HMCN2: variants seen among roughly 807,000 people sequenced by gnomAD.
HMCN2 encodes hemicentin-2.
In HMCN2, 325 loss-of-function variants were observed where a neutral mutation model predicts 377.5. That is an observed-to-expected ratio of 0.86 (90% confidence interval 0.79 to 0.94). The LOEUF is 0.94. Ranked by LOEUF, HMCN2 falls within the 40% of genes least tolerant of loss-of-function variation. The pLI is 0.00. For synonymous variants in HMCN2, 2,007 were observed against 2,046.8 expected, an observed-to-expected ratio of 0.98 and a Z score of 0.53; for missense variants, 4,543 against 4,725.3, an observed-to-expected ratio of 0.96 and a Z score of 1.13.
intron 15 of HMCN2, among the ~76,000 whole-genome samples, chr9:130,317,222 G>A (rs953208659): frequency 7.9e-5 from 12 of 152,292 alleles, no homozygotes; most frequent in Non-Finnish European, 1.3e-4. Flanking sequence ...GCTTCAAGCT[G>A]TGACCTTGGG....
At chr9:130,392,627 A>G (rs1332563339) in intron 66 of HMCN2, among the ~76,000 whole-genome samples, 1 of 152,090 alleles carries the variant, frequency 6.6e-6, no homozygotes, top group East Asian at 1.9e-4. Flanking sequence ...TGGCTTCAGA[A>G]TGAGATTGGT....
chr9:130,363,758 G>A (rs1212726912), intron 40 of HMCN2, among the ~76,000 whole-genome samples: 1 of 151,364 alleles, frequency 6.6e-6, no homozygotes, highest in African/African-American at 2.4e-5. Flanking sequence ...GGGAGGTAGA[G>A]GTTGCAGTGA....
chr9:130,384,721 C>T lies in HMCN2; in HGVS notation c.9029C>T (p.Ser3010Leu), dbSNP rs61734912. 1.0e-5 allele frequency: 13 copies of T among 1,302,562 alleles called. No homozygotes were observed. Among genetic ancestry groups the T allele is most frequent in the East Asian group, 1.1e-4 (2 of 18,018 alleles). 80.7% of individuals were successfully genotyped at this position (1,302,562 alleles called of 1,614,324 possible). A position where few individuals can be genotyped will look rare whatever the true frequency, so the allele number is the denominator to read the frequency against. ...HTLQLGRARL[S>L]DSGMYTCEAL... The stretch of plus-strand genomic sequence containing the variant: ...CTGCAGCTGGGGAGAGCACGGCTGT[C>T]GGACTCCGGGATGTACACATGCGAA... The change falls in exon 59 of 98, where the codon TCG becomes TTG. Residue 3010 changes from serine to leucine, a missense_variant. By Grantham distance (145) the Ser-to-Leu change is moderately radical. Transcript: ENST00000683500.
chr9:130,372,574 G>C (rs1382635832), intron 47 of HMCN2, among the ~76,000 whole-genome samples, 167 bp downstream of exon 47: 1 of 152,168 alleles, frequency 6.6e-6, no homozygotes, highest in Non-Finnish European at 1.5e-5. Context: ...AAAAACCTTT[G>C]TTCAAGCCTG....
Position 130,429,519 on chromosome 9 carries a change from T to C in HMCN2, c.14198-38T>C. 3 of 1,549,202 alleles carry C rather than the reference T, an allele frequency of 1.9e-6. No individual in the cohort carries two copies. In the African/African-American group the frequency reaches 4.1e-5, roughly 21 times the overall value. On this transcript the variant is annotated intron_variant, in intron 93 of 97. Coordinates refer to ENST00000683500, the MANE Select transcript of HMCN2 (RefSeq NM_001291815.2). ...GTCCCTTGGGGGAGGGGCCCTGGGC[T>C]AGACCTCCCCACCACCGACCATGCC... is the stretch of plus-strand genomic sequence containing the variant.
At chr9:130,402,765 C>T (rs1243465223) in intron 77 of HMCN2, 24 bp from the exon 78 acceptor site, 5 of 1,283,350 alleles carry the variant, frequency 3.9e-6, no homozygotes, top group African/African-American at 1.5e-5. Context: ...GTCCTGATCC[C>T]CTCACCCTGA....
At chr9:130,332,795 C>T (rs911498137) in intron 22 of HMCN2, among the ~76,000 whole-genome samples, 13 of 152,352 alleles carry the variant, frequency 8.5e-5, no homozygotes, top group African/African-American at 2.6e-4. Context: ...ACAGGGCTGG[C>T]GTCCACTAGT....
Position 130,424,990 on chromosome 9 carries a change from G to T in HMCN2, c.13520-19G>T, listed in dbSNP as rs765653367. 6.5e-7 allele frequency: 1 copy of T among 1,535,454 alleles called. No individual in the cohort carries two copies. Among genetic ancestry groups the T allele is most frequent in the Non-Finnish European group, 8.8e-7 (1 of 1,138,438 alleles). Reference sequence around the variant, plus strand: ...GGACCTCCCGTGGTGACTCTGGGCTGGGTGGGGATGGTTTGCAGGGGAGCT... The same window carrying T: ...GGACCTCCCGTGGTGACTCTGGGCTTGGTGGGGATGGTTTGCAGGGGAGCT... On this transcript the variant is annotated intron_variant, in intron 88 of 97. Coordinates refer to ENST00000683500, the MANE Select transcript of HMCN2 (RefSeq NM_001291815.2).
At chr9:130,283,683 G>A (rs1456888087) in intron 1 of HMCN2, among the ~76,000 whole-genome samples, 1 of 152,242 alleles carries the variant, frequency 6.6e-6, no homozygotes, top group East Asian at 1.9e-4. Flanking sequence ...ACCATACTGT[G>A]TGTGCTGTTT....
chr9:130,430,818 AT>A, intron 95 of HMCN2: 1 of 571,902 alleles, frequency 1.7e-6, no homozygotes, highest in Non-Finnish European at 3.1e-6. Context: ...GGTGTGGACT[AT>A]TTTTTAAACC....
At chr9:130,380,840 A>T (rs1841676591) in intron 54 of HMCN2, among the ~76,000 whole-genome samples, 1 of 151,276 alleles carries the variant, frequency 6.6e-6, no homozygotes, top group Non-Finnish European at 1.5e-5. Flanking sequence ...CAGGAGTGCA[A>T]CTCTTACTGA....
intron 40 of HMCN2, among the ~76,000 whole-genome samples, chr9:130,364,250 C>T (rs974201069): frequency 7.2e-5 from 11 of 152,182 alleles, no homozygotes; most frequent in African/African-American, 2.4e-4. Flanking sequence ...CCCAGGGCCT[C>T]GCATGGCGAG....
In HMCN2 at chr9:130,372,359, A is replaced by G; in HGVS notation, c.7303A>G (p.Ser2435Gly). Residue 2435 changes from serine (S) to glycine (G), a missense_variant, in exon 47 of 98, where the codon AGC becomes GGC. Around this residue, in one of 5 missense-constraint regions of HMCN2, gnomAD observed 1,032 missense variants for 1,285.1 expected, o/e 0.80. Transcript: ENST00000683500. ...CAGTGGCCTCTACTCATGCCTGGCA[A>G]GCAACGAGGCTGGGGAGGCACGGAG... ...QDSGLYSCLASNEAGEARRNF... is the reference protein window; with the variant it reads ...QDSGLYSCLAGNEAGEARRNF... 4 of 985,962 alleles carry G rather than the reference A, an allele frequency of 4.1e-6. No homozygotes were observed. Among genetic ancestry groups the G allele is most frequent in the Non-Finnish European group, 4.8e-6 (4 of 830,032 alleles). The allele number at this position is 985,962 out of a possible 1,614,324, so 61.1% of individuals were successfully genotyped here. A position where few individuals can be genotyped will look rare whatever the true frequency, so the allele number is the denominator to read the frequency against.
chr9:130,270,405 T>A (rs1834355677), intron 1 of HMCN2, among the ~76,000 whole-genome samples: 1 of 147,480 alleles, frequency 6.8e-6, no homozygotes, highest in African/African-American at 2.4e-5. Context: ...CAACTTGAAA[T>A]TTTAAAAATT....
At chr9:130,342,012 AAAATAAATAAAT>A (rs1221408865) in intron 24 of HMCN2, among the ~76,000 whole-genome samples, 276 of 130,724 alleles carry the variant, frequency 2.1e-3, no homozygotes, top group African/African-American at 3.6e-3. Context: ...CCCATCTCTT[AAAATAAATAAAT>A]AAATAAATAA....
At position 130,279,100 on chromosome 9, in the gene HMCN2, G is replaced by T. The variant is rs1034562744; in HGVS notation, c.260-5503G>T. Among the ~76,000 whole-genome samples, 2 of 150,472 alleles carry T rather than the reference G, an allele frequency of 1.3e-5. 1 individual carries two copies. The highest frequency in any genetic ancestry group is 1.3e-4 in the Admixed American group (2 of 15,064). ...TTTAGTAGAGACAGGGTTTCACCAT[G>T]TTGGTCAGGCTGATGGTCTCGAACT... On this transcript the variant is annotated intron_variant, in intron 1 of 97. Transcript: ENST00000683500.
chr9:130,311,013 T>C (rs1326910907), intron 15 of HMCN2, among the ~76,000 whole-genome samples: 2 of 152,204 alleles, frequency 1.3e-5, no homozygotes, highest in African/African-American at 4.8e-5. Context: ...TCCAAATTCC[T>C]TGGTGGCCAG....
chr9:130,289,061 G>A (rs1835583690), intron 4 of HMCN2, among the ~76,000 whole-genome samples: 1 of 152,216 alleles, frequency 6.6e-6, no homozygotes, highest in African/African-American at 2.4e-5. Context: ...CCCCGACAGT[G>A]GTGGGGGTGG....
rs1588247190 is a variant in HMCN2 at position 130,327,397 on chromosome 9, A to C, written c.3281A>C (p.Asp1094Ala). The C allele has an allele frequency of 2.0e-5, 3 of 152,432 alleles. No individual in the cohort carries two copies. Among genetic ancestry groups the C allele is most frequent in the Admixed American group, 2.0e-4 (3 of 15,298 alleles). The allele number at this position is 152,432 out of a possible 1,614,324, so 9.4% of individuals were successfully genotyped here. ...AAGGCTGGCGAAGAGGTGACCCTGG[A>C]CTGCGAGGCCAAGGGCTCCCCACCC... The part of the protein sequence containing the change: ...TAKAGEEVTL[D>A]CEAKGSPPPL... The change falls in exon 22 of 98, where the codon GAC becomes GCC. Residue 1094 changes from aspartate (D) to alanine (A), a missense_variant. Asp to Ala is a moderately radical substitution (Grantham distance 126, BLOSUM62 -2). Transcript: ENST00000683500.
Sources: allele counts gnomAD v4.1 joint callset (sites outside exome capture counted in the v4.1 genomes callset), GRCh38; gene constraint gnomAD v4.1.1; regional missense constraint gnomAD v4.1.1; transcripts MANE v1.5; gene names NCBI Gene and HGNC (gene_info 2026-07-23, HGNC 2026-07-21).